Variants in ASIC5 observed in about 807,000 individuals in gnomAD.
The protein encoded by ASIC5 is acid sensing ion channel subunit family member 5.
A neutral mutation model predicts 51.2 loss-of-function variants in ASIC5; 52 were observed. The observed-to-expected ratio is 1.02, with a 90% CI of 0.81 to 1.28. The LOEUF (loss-of-function observed/expected upper bound fraction) is 1.28. Among genes scored for constraint, ASIC5 ranks in the 50% most tolerant of loss-of-function variants. The pLI is 0.00. For synonymous variants in ASIC5, 231 were observed against 200.7 expected (o/e 1.15, Z -1.28); for missense variants, 635 against 595.0 (o/e 1.07, Z -0.70).
chr4:155,844,619 G>GTA (rs1386698152), intron 4 of ASIC5, among the ~76,000 whole-genome samples: 1 of 151,540 alleles, frequency 6.6e-6, no homozygotes, highest in Non-Finnish European at 1.5e-5. Context: ...GTGGGGTTGT[G>GTA]TGTGTGTGTG....
chr4:155,860,188 T>C (rs1055086917), intron 2 of ASIC5, among the ~76,000 whole-genome samples: 1 of 151,972 alleles, frequency 6.6e-6, no homozygotes, highest in Non-Finnish European at 1.5e-5. Flanking sequence ...CATGAAAATA[T>C]ATGAAATGTT....
chr4:155,836,748 T>C lies in ASIC5; in HGVS notation c.1176A>G (p.Pro392=), dbSNP rs375727895. The C allele has an allele frequency of 6.2e-7, 1 of 1,611,696 alleles. No homozygotes were observed. The highest frequency in any genetic ancestry group is 8.5e-7 in the Non-Finnish European group (1 of 1,178,052). The change falls in exon 8 of 10, where the codon CCA becomes CCG. Residue 392 remains proline, a synonymous_variant. Coordinates refer to ENST00000537611, the MANE Select transcript of ASIC5 (RefSeq NM_017419.3). Reference sequence around the variant, plus strand: ...AAAGATATTTCAAAGCTTTTTGACTTGGAAAAGAGGAATAAGAAATAGTGG... The same window carrying C: ...AAAGATATTTCAAAGCTTTTTGACTCGGAAAAGAGGAATAAGAAATAGTGG... ...YPATISYSSF[P]SQKALKYLSK...
chr4:155,852,758 T>C (rs774768159), intron 3 of ASIC5, among the ~76,000 whole-genome samples: 16 of 151,930 alleles, frequency 1.1e-4, no homozygotes, highest in Admixed American at 2.0e-4. Flanking sequence ...GAGGTGTGCA[T>C]GGGACACAAG....
At chr4:155,837,743 A>C (rs1337201745) in intron 7 of ASIC5, among the ~76,000 whole-genome samples, 1 of 151,910 alleles carries the variant, frequency 6.6e-6, no homozygotes, top group Non-Finnish European at 1.5e-5. Context: ...TCCTACACTC[A>C]CATGCACTCA....
chr4:155,841,128 C>T (rs567824854), intron 6 of ASIC5, among the ~76,000 whole-genome samples: 1 of 152,274 alleles, frequency 6.6e-6, no homozygotes, highest in African/African-American at 2.4e-5. Context: ...GCACAGCCAG[C>T]TCTGCATGAA....
At chr4:155,861,777 A>G (rs566700291) in intron 2 of ASIC5, among the ~76,000 whole-genome samples, 1 of 151,994 alleles carries the variant, frequency 6.6e-6, no homozygotes, top group South Asian at 2.1e-4. Context: ...AAACCTTATC[A>G]ATTTCTGCTT....
chr4:155,834,547 A>G (rs933482081), intron 8 of ASIC5, among the ~76,000 whole-genome samples: 3 of 152,170 alleles, frequency 2.0e-5, no homozygotes, highest in Non-Finnish European at 4.4e-5. Flanking sequence ...TCCACTATTT[A>G]AAACCATGTA....
chr4:155,837,669 T>C (rs966391981), intron 7 of ASIC5, among the ~76,000 whole-genome samples: 1 of 152,108 alleles, frequency 6.6e-6, no homozygotes, highest in African/African-American at 2.4e-5. Context: ...TTGACTTCTC[T>C]AGGAGAAGTC....
At chr4:155,848,436 G>A (rs1478976082) in intron 4 of ASIC5, among the ~76,000 whole-genome samples, 2 of 152,016 alleles carry the variant, frequency 1.3e-5, no homozygotes, top group Non-Finnish European at 2.9e-5. Flanking sequence ...TATTTGGGCT[G>A]TATTTATGTA....
At chr4:155,859,859 C>A (rs966870235) in intron 2 of ASIC5, among the ~76,000 whole-genome samples, 18 of 152,072 alleles carry the variant, frequency 1.2e-4, no homozygotes, top group African/African-American at 3.6e-4. Flanking sequence ...CTCAGGGCTC[C>A]TAACATAGGA....
rs776630211 is a variant in ASIC5, at chr4:155,836,817, A to T, written c.1107T>A (p.His369Gln). 1 of 1,610,426 alleles carries T rather than the reference A, an allele frequency of 6.2e-7. No homozygotes were observed. The highest frequency in any genetic ancestry group is 8.5e-7 in the Non-Finnish European group (1 of 1,176,848). Residue 369 changes from histidine (H) to glutamine (Q), a missense_variant, in exon 8 of 10, where the codon CAT becomes CAA. By Grantham distance (24) the His-to-Gln change is conservative. Transcript: ENST00000537611. ...CACAAGAAACGGGGCAGCTAGAGTT[A>T]TGTGTTCCTACTGTACATAAATCCT... ...EFKDLCTVGT[H>Q]NSSCPVSCEE...
chr4:155,831,944 C>T, intron 8 of ASIC5, 29 bp from the exon 9 acceptor site: 1 of 1,183,054 alleles, frequency 8.5e-7, no homozygotes. Context: ...GTTAATATAG[C>T]TTAAGATTGT....
intron 4 of ASIC5, among the ~76,000 whole-genome samples, chr4:155,847,617 G>A (rs1008828123): frequency 6.6e-6 from 1 of 152,048 alleles, no homozygotes; most frequent in Admixed American, 6.6e-5. Context: ...AGCTACCTGG[G>A]AGGCTGAGGT....
At chr4:155,841,363 A>G (rs962429102) in intron 6 of ASIC5, among the ~76,000 whole-genome samples, 1 of 152,018 alleles carries the variant, frequency 6.6e-6, no homozygotes, top group Non-Finnish European at 1.5e-5. Flanking sequence ...CCACTTACAT[A>G]CCCCTTTCAT....
intron 2 of ASIC5, among the ~76,000 whole-genome samples, chr4:155,858,535 A>G (rs973468495): frequency 1.4e-4 from 22 of 152,124 alleles, no homozygotes; most frequent in African/African-American, 4.6e-4. Flanking sequence ...GGGAGCCCCA[A>G]TCATTTTAGA....
intron 7 of ASIC5, among the ~76,000 whole-genome samples, chr4:155,837,625 G>T (rs1188285089): frequency 1.3e-5 from 2 of 152,040 alleles, no homozygotes; most frequent in Admixed American, 1.3e-4. Flanking sequence ...CCTGGTTACT[G>T]ACCAACTTTA....
At chr4:155,849,564 G>C (rs1741331644) in intron 4 of ASIC5, among the ~76,000 whole-genome samples, 1 of 152,022 alleles carries the variant, frequency 6.6e-6, no homozygotes, top group Non-Finnish European at 1.5e-5. Flanking sequence ...TTAGAGAAGA[G>C]AGAAAAATTA....
At chr4:155,836,622 A>G in intron 8 of ASIC5, 67 bp downstream of exon 8, 1 of 923,892 alleles carries the variant, frequency 1.1e-6, no homozygotes, top group Non-Finnish European at 1.6e-6. Flanking sequence ...TGAGTCTTTG[A>G]GGGTTTTCAA....
chr4:155,834,832 C>A (rs1411183491), intron 8 of ASIC5, among the ~76,000 whole-genome samples: 1 of 152,062 alleles, frequency 6.6e-6, no homozygotes, highest in African/African-American at 2.4e-5. Flanking sequence ...ATCAACAAAC[C>A]AGTGATGGCA....
Sources: gnomAD v4.1 joint callset for allele counts (sites outside exome capture counted in the v4.1 genomes callset) on GRCh38, gnomAD v4.1.1 for gene constraint, MANE v1.5 for transcripts, NCBI Gene and HGNC (gene_info 2026-07-23, HGNC 2026-07-21) for gene names.